The following DOCK4 variants were observed in gnomAD, a reference collection of about 807,000 sequenced individuals.
DOCK4 encodes dedicator of cytokinesis protein 4.
A neutral mutation model predicts 268.1 loss-of-function variants in DOCK4; 97 were observed. That is an observed-to-expected ratio of 0.36 (90% CI 0.31 to 0.43). DOCK4 has a LOEUF of 0.43. Among genes scored for constraint, DOCK4 ranks in the 20% least tolerant of loss-of-function variants. The pLI is 1.00. For missense variants in DOCK4, 2,145 were observed against 2,455.7 expected (o/e 0.87, Z 2.67); for synonymous variants, 954 against 887.2 (o/e 1.08, Z -1.34).
At position 111,935,703 on chromosome 7, in the gene DOCK4, C is replaced by G. The variant is rs753751249; in HGVS notation, c.978-75G>C. Reference sequence around the variant, plus strand: ...GCAGTGATCCTCATAGTACATCTGCCCTTTTCGTTATAACCACTATAATGT... The same window carrying G: ...GCAGTGATCCTCATAGTACATCTGCGCTTTTCGTTATAACCACTATAATGT... On this transcript the variant is annotated intron_variant, in intron 11 of 52. Coordinates refer to ENST00000428084, the MANE Select transcript of DOCK4 (RefSeq NM_001363540.2). 2.1e-4 allele frequency: 269 copies of G among 1,310,594 alleles called. 1 individual carries two copies. The highest frequency in any genetic ancestry group is 7.5e-4 in the Middle Eastern group (4 of 5,326). 81.2% of individuals were successfully genotyped at this position (1,310,594 alleles called of 1,614,324 possible). A position where few individuals can be genotyped will look rare whatever the true frequency, so the allele number is the denominator to read the frequency against.
chr7:111,903,728 TG>T (rs1390390377), intron 13 of DOCK4, among the ~76,000 whole-genome samples: 4 of 152,160 alleles, frequency 2.6e-5, no homozygotes, highest in African/African-American at 9.7e-5. Flanking sequence ...ACAAGAGGTT[TG>T]GGAGGAAATT....
At position 112,202,915 on chromosome 7, in the gene DOCK4, A is replaced by G. The variant is rs559118222; in HGVS notation, c.37+3187T>C. 7.9e-5 allele frequency among the ~76,000 whole-genome samples: 12 copies of G among 152,266 alleles called. 1 individual carries two copies. In the South Asian group the frequency reaches 2.5e-3, roughly 32 times the overall value. ...CAAATTGAGAAAGAGAGGAACCAGCACCTCAGTTCTGGCAGCTTGCCAGGT... is the reference window on the plus strand; with the variant it reads ...CAAATTGAGAAAGAGAGGAACCAGCGCCTCAGTTCTGGCAGCTTGCCAGGT... On this transcript the variant is annotated intron_variant, in intron 1 of 52. Transcript: ENST00000428084.
In DOCK4 at chr7:112,051,293, A is replaced by G. The variant is rs992021168; in HGVS notation, c.38-47162T>C. 2.6e-5 allele frequency among the ~76,000 whole-genome samples: 4 copies of G among 152,152 alleles called. No individual in the cohort carries two copies. In the East Asian group the frequency reaches 5.8e-4, roughly 22 times the overall value. ...GGAGGGTTAAAAACTCTCTCAGAGG[A>G]TGAGGATGAGGTAGGACACTTCAAC... is the stretch of plus-strand genomic sequence containing the variant. On this transcript the variant is annotated intron_variant, in intron 1 of 52. Coordinates refer to ENST00000428084, the MANE Select transcript of DOCK4 (RefSeq NM_001363540.2).
intron 1 of DOCK4, among the ~76,000 whole-genome samples, chr7:112,201,652 G>GTGGGGAGGGGGGAGGAA (rs1820941858): frequency 6.6e-6 from 1 of 152,002 alleles, no homozygotes. Context: ...TTAAGGCGGG[G>GTGGGGAGGGGGGAGGAA]TGGGGAGGGG....
At chr7:112,132,082 T>C (rs571373518) in intron 1 of DOCK4, among the ~76,000 whole-genome samples, 2 of 152,238 alleles carry the variant, frequency 1.3e-5, no homozygotes, top group Non-Finnish European at 2.9e-5. Flanking sequence ...GAAACGAGCA[T>C]GGGGTGGGAG....
intron 25 of DOCK4, among the ~76,000 whole-genome samples, chr7:111,841,745 C>T (rs964579988): frequency 6.6e-6 from 1 of 152,074 alleles, no homozygotes; most frequent in Non-Finnish European, 1.5e-5. Flanking sequence ...TAATTTAGTA[C>T]ACAGGACAAT....
At position 111,755,499 on chromosome 7, in the gene DOCK4, A is replaced by C. The variant is rs746595580; in HGVS notation, c.4416+16T>G. 1 of 1,613,310 alleles carries C rather than the reference A, an allele frequency of 6.2e-7. No individual in the cohort carries two copies. Among genetic ancestry groups the C allele is most frequent in the East Asian group, 2.2e-5 (1 of 44,882 alleles). ...CTGTGATGAGAAAGTGCTTGAGAAC[A>C]AGCTCTGATCCTTACCACTTCACGC... On this transcript the variant is annotated intron_variant, in intron 42 of 52. Coordinates refer to ENST00000428084, the MANE Select transcript of DOCK4 (RefSeq NM_001363540.2).
chr7:112,070,457 C>G (rs552758945), intron 1 of DOCK4, among the ~76,000 whole-genome samples: 1 of 152,120 alleles, frequency 6.6e-6, no homozygotes, highest in African/African-American at 2.4e-5. Flanking sequence ...ACTTTTGCAC[C>G]AATTACTTCT....
intron 1 of DOCK4, among the ~76,000 whole-genome samples, chr7:112,125,800 A>T (rs1440561109): frequency 6.6e-6 from 1 of 151,920 alleles, no homozygotes; most frequent in African/African-American, 2.4e-5. Context: ...GCTCATCATC[A>T]CTATTTTTTT....
At chr7:112,095,142 C>G (rs1809997834) in intron 1 of DOCK4, among the ~76,000 whole-genome samples, 1 of 152,126 alleles carries the variant, frequency 6.6e-6, no homozygotes, top group African/African-American at 2.4e-5. Flanking sequence ...TACCATTGAT[C>G]AGTCTTTCAA....
intron 23 of DOCK4, among the ~76,000 whole-genome samples, chr7:111,859,437 C>T (rs952996756): frequency 1.3e-5 from 2 of 152,030 alleles, no homozygotes; most frequent in Non-Finnish European, 2.9e-5. Flanking sequence ...TTTTACCCAT[C>T]CCTTGTCATT....
chr7:111,944,879 C>A lies in DOCK4; in HGVS notation c.784-8G>T, dbSNP rs761582782. On this transcript the variant is annotated splice_region_variant and splice_polypyrimidine_tract_variant and intron_variant, in intron 9 of 52. Transcript: ENST00000428084. ...CTCACTGCTGCCCAAATCCTACAAA[C>A]AAAGAAAGTTTGGTTATTTTGGAAG... is the stretch of plus-strand genomic sequence containing the variant. The A allele has an allele frequency of 6.2e-7, 1 of 1,613,822 alleles. No individual in the cohort carries two copies. The highest frequency in any genetic ancestry group is 1.3e-5 in the African/African-American group (1 of 75,008).
At chr7:111,758,600 C>T in intron 41 of DOCK4, 24 bp downstream of exon 41, 3 of 1,612,112 alleles carry the variant, frequency 1.9e-6, no homozygotes, top group Non-Finnish European at 2.5e-6. Flanking sequence ...GAGGAGTTAG[C>T]ATGTAATAAG....
intron 1 of DOCK4, among the ~76,000 whole-genome samples, chr7:112,130,083 G>A (rs959103757): frequency 9.2e-5 from 14 of 152,274 alleles, no homozygotes; most frequent in Admixed American, 6.5e-4. Flanking sequence ...GAGGCTTCCC[G>A]CATTCAGGGA....
intron 36 of DOCK4, among the ~76,000 whole-genome samples, chr7:111,775,858 A>G (rs1798409507): frequency 6.6e-6 from 1 of 152,144 alleles, no homozygotes; most frequent in Non-Finnish European, 1.5e-5. Flanking sequence ...CATGGCATGA[A>G]GAGAGAGGAT....
Position 111,809,371 on chromosome 7 carries a change from T to C in DOCK4, c.3037A>G (p.Ile1013Val). ...TGCAGACACAACTGGTTTATAAAAA[T>C]GACTGCGAGGTAAAAGTAGGAATCC... is the stretch of plus-strand genomic sequence containing the variant. The part of the protein sequence containing the change: ...IWDSYFYLAV[I>V]FINQLCLQLE... The change falls in exon 29 of 53, where the codon ATT becomes GTT. Residue 1013 changes from isoleucine to valine, a missense_variant. Around this residue, in one of 2 missense-constraint regions of DOCK4, gnomAD observed 1,598 missense variants for 1,986.7 expected, o/e 0.80. Coordinates refer to ENST00000428084, the MANE Select transcript of DOCK4 (RefSeq NM_001363540.2). The C allele has an allele frequency of 6.4e-7, 1 of 1,565,872 alleles. No individual in the cohort carries two copies. The highest frequency in any genetic ancestry group is 8.7e-7 in the Non-Finnish European group (1 of 1,153,470).
At chr7:112,106,737 G>A (rs945539269) in intron 1 of DOCK4, among the ~76,000 whole-genome samples, 2 of 152,180 alleles carry the variant, frequency 1.3e-5, no homozygotes, top group African/African-American at 4.8e-5. Flanking sequence ...TTTGCCAGTT[G>A]AATGCAGAGA....
chr7:111,986,221 T>C (rs1052903713), intron 6 of DOCK4, among the ~76,000 whole-genome samples: 1 of 152,146 alleles, frequency 6.6e-6, no homozygotes, highest in East Asian at 1.9e-4. Flanking sequence ...TCCTTGAGAA[T>C]CTGAACTTGG....
intron 32 of DOCK4, among the ~76,000 whole-genome samples, chr7:111,786,569 T>A (rs1484509060): frequency 6.6e-6 from 1 of 152,198 alleles, no homozygotes; most frequent in Non-Finnish European, 1.5e-5. Flanking sequence ...AGGAAGGTAC[T>A]AGACAAATTT....
Sources: gnomAD v4.1 joint callset for allele counts (sites outside exome capture counted in the v4.1 genomes callset) on GRCh38, gnomAD v4.1.1 for gene constraint, gnomAD v4.1.1 regional missense constraint, MANE v1.5 for transcripts, NCBI Gene and HGNC (gene_info 2026-07-23, HGNC 2026-07-21) for gene names.